Variants in RIC3 observed in about 807,000 individuals in gnomAD.
RIC3 encodes protein RIC-3.
In RIC3, 28 loss-of-function variants were observed where a neutral mutation model predicts 27.3. The observed-to-expected ratio is 1.02, with a 90% CI of 0.76 to 1.41. The LOEUF (loss-of-function observed/expected upper bound fraction) is 1.41. Among genes scored for constraint, RIC3 ranks in the 40% most tolerant of loss-of-function variants. The pLI, the probability that RIC3 is intolerant of heterozygous loss-of-function variation, is 0.00. For synonymous variants in RIC3, 184 were observed against 160.4 expected (o/e 1.15, Z -1.11); for missense variants, 501 against 444.7 (o/e 1.13, Z -1.14).
chr11:8,115,298 A>G (rs1200453755), intron 5 of RIC3, among the ~76,000 whole-genome samples: 1 of 151,388 alleles, frequency 6.6e-6, no homozygotes, highest in East Asian at 1.9e-4. Context: ...ATGCTTACGG[A>G]AAACAAAAAC....
chr11:8,147,463 A>G lies in RIC3; in HGVS notation c.125-7270T>C, dbSNP rs191323614. Among the ~76,000 whole-genome samples, 90 of 152,286 alleles carry G rather than the reference A, an allele frequency of 5.9e-4. 1 individual carries two copies. In the East Asian group the frequency reaches 0.013, roughly 22 times the overall value. ...CTGGAAAGAAAGAAAGAAAAAAAAA[A>G]GTGGGTGGAAAGGAGATTCTCTATA... On this transcript the variant is annotated intron_variant, in intron 1 of 5. Transcript: ENST00000309737.
In RIC3 at chr11:8,106,923, C is replaced by T. The variant is rs1944728806; in HGVS notation, c.*3775G>A. ...GACTTGACAGAGTGGTGACAGGGAT[C>T]ATGCTGTCACCAAGCACCTACCACA... On this transcript the variant is annotated 3_prime_UTR_variant, in exon 6 of 6. Coordinates refer to ENST00000309737, the MANE Select transcript of RIC3 (RefSeq NM_001206671.4). The T allele has an allele frequency of 6.6e-6, 1 of 152,206 alleles. No individual in the cohort carries two copies. The highest frequency in any genetic ancestry group is 2.4e-5 in the African/African-American group (1 of 41,434). The allele number at this position is 152,206 out of a possible 1,614,324, so 9.4% of individuals were successfully genotyped here. A position where few individuals can be genotyped will look rare whatever the true frequency, so the allele number is the denominator to read the frequency against.
chr11:8,096,830 C>A, the RIC3 span: 1 of 1,613,922 alleles, frequency 6.2e-7, no homozygotes, highest in East Asian at 2.2e-5. Context: ...TCTGCATCCA[C>A]AGCAGTTTTT....
At chr11:8,152,391 A>C (rs1187824888) in intron 1 of RIC3, among the ~76,000 whole-genome samples, 1 of 152,262 alleles carries the variant, frequency 6.6e-6, no homozygotes, top group Non-Finnish European at 1.5e-5. Flanking sequence ...CAGCCATAAA[A>C]AGGAATAAAG....
the RIC3 span, chr11:8,096,859 TAGAGGTGGA>T: frequency 6.3e-7 from 1 of 1,596,434 alleles, no homozygotes; most frequent in East Asian, 2.2e-5. Flanking sequence ...GCTCATCCGT[TAGAGGTGGA>T]CTGCATGTGA....
At chr11:8,097,625 G>A in the RIC3 span, 28 of 1,336,690 alleles carry the variant, frequency 2.1e-5, no homozygotes, top group Middle Eastern at 1.9e-4. Context: ...GGGAGCTGAC[G>A]CAACGGAGAG....
intron 4 of RIC3, among the ~76,000 whole-genome samples, chr11:8,127,215 G>A (rs1947091433): frequency 6.6e-6 from 1 of 152,116 alleles, no homozygotes. Context: ...GGTCATCAAA[G>A]GAAAACGTTC....
chr11:8,149,749 TG>T (rs1225344360), intron 1 of RIC3, among the ~76,000 whole-genome samples: 1 of 152,212 alleles, frequency 6.6e-6, no homozygotes, highest in African/African-American at 2.4e-5. Flanking sequence ...TATGACGGGA[TG>T]GGGGGTTCAA....
intron 4 of RIC3, 47 bp downstream of exon 4, chr11:8,137,331 A>G (rs1020103693): frequency 6.4e-7 from 1 of 1,563,588 alleles, no homozygotes; most frequent in East Asian, 2.2e-5. Flanking sequence ...GCCTGAATTT[A>G]TTTTCTAAAT....
intron 1 of RIC3, among the ~76,000 whole-genome samples, chr11:8,151,464 T>C (rs1950216082): frequency 6.7e-6 from 1 of 149,278 alleles, no homozygotes; most frequent in South Asian, 2.2e-4. Context: ...CGCGTGCCTG[T>C]AGTCCCAGCT....
chr11:8,100,644 G>T, the RIC3 span: 1 of 1,588,026 alleles, frequency 6.3e-7, no homozygotes, highest in Non-Finnish European at 8.6e-7. Context: ...CATCATCCTA[G>T]TCTCTGCATG....
chr11:8,152,913 T>C (rs974338079), intron 1 of RIC3, among the ~76,000 whole-genome samples: 1 of 152,116 alleles, frequency 6.6e-6, no homozygotes, highest in African/African-American at 2.4e-5. Context: ...GATAGGACTG[T>C]CTTTATATAG....
intron 1 of RIC3, among the ~76,000 whole-genome samples, chr11:8,144,068 TAA>T (rs1306674802): frequency 6.6e-6 from 1 of 152,104 alleles, no homozygotes; most frequent in Non-Finnish European, 1.5e-5. Context: ...CCTAAAACCA[TAA>T]AAACCCTAGA....
intron 5 of RIC3, among the ~76,000 whole-genome samples, chr11:8,116,146 C>T (rs1426118015): frequency 6.6e-6 from 1 of 152,122 alleles, no homozygotes; most frequent in East Asian, 1.9e-4. Flanking sequence ...AACACACACA[C>T]ACACAGGTCA....
chr11:8,121,032 C>G (rs1309380403), intron 5 of RIC3, among the ~76,000 whole-genome samples: 1 of 151,918 alleles, frequency 6.6e-6, no homozygotes, highest in Non-Finnish European at 1.5e-5. Context: ...AATTTAAATT[C>G]AAGAAAGATG....
At chr11:8,149,079 G>C (rs1590314921) in intron 1 of RIC3, among the ~76,000 whole-genome samples, 1 of 150,862 alleles carries the variant, frequency 6.6e-6, no homozygotes, top group Admixed American at 6.6e-5. Flanking sequence ...TGTAGTCCCA[G>C]CTATTCGGGA....
chr11:8,157,453 T>C (rs1184075891), intron 1 of RIC3, among the ~76,000 whole-genome samples: 2 of 152,224 alleles, frequency 1.3e-5, no homozygotes, highest in Admixed American at 6.5e-5. Flanking sequence ...CAGTGCCTTA[T>C]TGAGATGCCC....
At chr11:8,100,610 C>G in the RIC3 span, 1 of 1,611,140 alleles carries the variant, frequency 6.2e-7, no homozygotes, top group Non-Finnish European at 8.5e-7. Context: ...ACGTGAGTGT[C>G]TACCCCTTCC....
chr11:8,126,763 T>C lies in RIC3; in HGVS notation c.566A>G (p.His189Arg). The change falls in exon 5 of 6, where the codon CAT becomes CGT. Residue 189 changes from histidine (H) to arginine (R), a missense_variant. By Grantham distance (29) the His-to-Arg change is conservative. Coordinates refer to ENST00000309737, the MANE Select transcript of RIC3 (RefSeq NM_001206671.4). The part of the protein sequence containing the change: ...VTSDQEKRLL[H>R]QLREITRVMK... ...GACCCTGGTGATTTCTCGGAGCTGA[T>C]GTAGCAACCGTTTCTCTTGGTCAGA... 1.9e-6 allele frequency: 3 copies of C among 1,614,190 alleles called. No individual in the cohort carries two copies. Among genetic ancestry groups the C allele is most frequent in the Non-Finnish European group, 1.7e-6 (2 of 1,180,020 alleles).
Sources: gnomAD v4.1 joint callset for allele counts (sites outside exome capture counted in the v4.1 genomes callset) on GRCh38, gnomAD v4.1.1 for gene constraint, MANE v1.5 for transcripts, NCBI Gene and HGNC (gene_info 2026-07-23, HGNC 2026-07-21) for gene names.